Variants in P3H2 observed in about 807,000 individuals in gnomAD.
The protein encoded by P3H2 is leprecan-like 1.
In P3H2, 80 loss-of-function variants were observed where a neutral mutation model predicts 87.0. The observed-to-expected ratio is 0.92, with a 90% confidence interval of 0.77 to 1.11. P3H2 has a LOEUF of 1.11. Among genes scored for constraint, P3H2 ranks in the 50% least tolerant of loss-of-function variants. P3H2 has a pLI of 0.00. For synonymous variants in P3H2, 367 were observed against 359.3 expected (o/e 1.02, Z -0.24); for missense variants, 1,001 against 923.9 (o/e 1.08, Z -1.08).
intron 1 of P3H2, among the ~76,000 whole-genome samples, chr3:190,077,906 A>G (rs1442317227): frequency 6.6e-6 from 1 of 152,158 alleles, no homozygotes; most frequent in Non-Finnish European, 1.5e-5. Flanking sequence ...TGGGACCCAT[A>G]GAGAGTAATG....
At position 189,957,451 on chromosome 3, in the gene P3H2, G is replaced by C. The variant is rs1473685280; in HGVS notation, c.*461C>G. 4 of 129,100 alleles carry C rather than the reference G, an allele frequency of 3.1e-5. No homozygotes were observed. Among genetic ancestry groups the C allele is most frequent in the Admixed American group, 1.0e-4 (1 of 9,536 alleles). 8.0% of individuals were successfully genotyped at this position (129,100 alleles called of 1,614,324 possible). A position where few individuals can be genotyped will look rare whatever the true frequency, so the allele number is the denominator to read the frequency against. On this transcript the variant is annotated 3_prime_UTR_variant, in exon 15 of 15. Coordinates refer to ENST00000319332, the MANE Select transcript of P3H2 (RefSeq NM_018192.4). ...TTTGCAGCAACTTAATTGTGTGTGT[G>C]TGTGTGTGTGTGTGTGTGTGTGTGT...
intron 9 of P3H2, 66 bp downstream of exon 9, chr3:189,974,492 A>G: frequency 6.2e-7 from 1 of 1,604,336 alleles, no homozygotes; most frequent in Non-Finnish European, 8.5e-7. Context: ...TGAGACCAGG[A>G]CCAAAGCAGT....
intron 1 of P3H2, among the ~76,000 whole-genome samples, chr3:190,115,230 C>G (rs1414602685): frequency 6.6e-6 from 1 of 151,990 alleles, no homozygotes; most frequent in Non-Finnish European, 1.5e-5. Flanking sequence ...ACTCTAGGAC[C>G]AAAACAGAAT....
intron 5 of P3H2, among the ~76,000 whole-genome samples, chr3:189,987,240 C>T (rs936184603): frequency 4.6e-5 from 7 of 151,868 alleles, no homozygotes; most frequent in Admixed American, 4.6e-4. Context: ...TTTGGGAGGA[C>T]GAGGCGGGCA....
At chr3:190,077,898 G>C (rs1465702708) in intron 1 of P3H2, among the ~76,000 whole-genome samples, 5 of 148,794 alleles carry the variant, frequency 3.4e-5, no homozygotes, top group Admixed American at 3.3e-4. Flanking sequence ...AGCCTTCCTG[G>C]GACCCATAGA....
intron 1 of P3H2, among the ~76,000 whole-genome samples, chr3:190,114,245 G>T (rs375457671): frequency 6.8e-6 from 1 of 146,496 alleles, no homozygotes; most frequent in African/African-American, 2.5e-5. Context: ...GTGCGGTGGC[G>T]CCATCTCGGC....
intron 1 of P3H2, among the ~76,000 whole-genome samples, chr3:190,092,299 G>A (rs1188250791): frequency 6.6e-6 from 1 of 151,724 alleles, no homozygotes; most frequent in Non-Finnish European, 1.5e-5. Context: ...TACTTCAGCT[G>A]AAATAGTATA....
At chr3:189,975,626 C>G (rs1186746611) in intron 8 of P3H2, among the ~76,000 whole-genome samples, 1 of 152,142 alleles carries the variant, frequency 6.6e-6, no homozygotes, top group Non-Finnish European at 1.5e-5. Flanking sequence ...AGGCACAACT[C>G]CCTGCCACCC....
At chr3:189,992,056 T>C (rs543011407) in intron 3 of P3H2, among the ~76,000 whole-genome samples, 2 of 152,234 alleles carry the variant, frequency 1.3e-5, no homozygotes, top group South Asian at 4.1e-4. Flanking sequence ...GAAAGGTAAC[T>C]TGGTTTGAGT....
At chr3:190,019,623 T>C (rs1334793527) in intron 1 of P3H2, among the ~76,000 whole-genome samples, 1 of 78,636 alleles carries the variant, frequency 1.3e-5, no homozygotes, top group African/African-American at 3.6e-5. Context: ...GACCTGGGTC[T>C]GTCTTTCATT....
chr3:190,102,572 G>A (rs575307213), intron 1 of P3H2, among the ~76,000 whole-genome samples: 12 of 152,280 alleles, frequency 7.9e-5, no homozygotes, highest in South Asian at 4.1e-4. Context: ...AATAAAACTC[G>A]AACAGATAAA....
intron 1 of P3H2, among the ~76,000 whole-genome samples, chr3:190,082,272 A>C (rs1477049210): frequency 6.6e-6 from 1 of 152,104 alleles, no homozygotes; most frequent in Non-Finnish European, 1.5e-5. Context: ...AAAACAAAAC[A>C]AACAACAACA....
At chr3:189,993,814 G>A (rs1162005123) in intron 3 of P3H2, among the ~76,000 whole-genome samples, 2 of 151,480 alleles carry the variant, frequency 1.3e-5, no homozygotes, top group Non-Finnish European at 2.9e-5. Flanking sequence ...AACAAAAGTT[G>A]AAAAACATTA....
At chr3:189,960,479 C>G (rs529285856) in intron 14 of P3H2, among the ~76,000 whole-genome samples, 48 of 152,084 alleles carry the variant, frequency 3.2e-4, no homozygotes, top group Non-Finnish European at 5.6e-4. Context: ...ATGGATGAAG[C>G]CTTTCTCTGT....
intron 1 of P3H2, among the ~76,000 whole-genome samples, chr3:190,003,045 C>A (rs1230762725): frequency 6.6e-6 from 1 of 152,188 alleles, no homozygotes; most frequent in African/African-American, 2.4e-5. Context: ...GTATAAGTAA[C>A]TATTTATCGT....
intron 1 of P3H2, among the ~76,000 whole-genome samples, chr3:190,085,107 T>C (rs1727169745): frequency 6.6e-6 from 1 of 152,172 alleles, no homozygotes; most frequent in African/African-American, 2.4e-5. Flanking sequence ...GTGTTGCTTC[T>C]GGTGAAATTC....
At chr3:189,971,624 T>C (rs912115453) in intron 12 of P3H2, 51 of 420,830 alleles carry the variant, frequency 1.2e-4, no homozygotes, top group Middle Eastern at 7.3e-4. Context: ...AACAGGAATT[T>C]TTTTAAAAGA....
At chr3:190,068,199 G>C (rs557153518) in intron 1 of P3H2, among the ~76,000 whole-genome samples, 1 of 152,146 alleles carries the variant, frequency 6.6e-6, no homozygotes, top group South Asian at 2.1e-4. Context: ...AACATTTAAA[G>C]AGAATACATT....
intron 13 of P3H2, among the ~76,000 whole-genome samples, chr3:189,964,786 C>A (rs1482224757): frequency 6.6e-6 from 1 of 152,192 alleles, no homozygotes; most frequent in Non-Finnish European, 1.5e-5. Flanking sequence ...CTGACACAGT[C>A]CTTCGCAGCT....
Sources: allele counts gnomAD v4.1 joint callset (sites outside exome capture counted in the v4.1 genomes callset), GRCh38; gene constraint gnomAD v4.1.1; transcripts MANE v1.5; gene names NCBI Gene and HGNC (gene_info 2026-07-23, HGNC 2026-07-21).